The following TTC3 variants were observed in gnomAD, a reference collection of about 807,000 sequenced individuals.
TTC3 encodes E3 ubiquitin-protein ligase TTC3.
TTC3 carries 180 observed loss-of-function variants against 249.6 expected under a neutral mutation model. That is an observed-to-expected ratio of 0.72 (90% CI 0.64 to 0.82). The LOEUF (loss-of-function observed/expected upper bound fraction) is 0.82, where lower values mean the gene tolerates loss of function less well. Ranked by LOEUF, TTC3 falls within the 40% of genes least tolerant of loss-of-function variation. The probability of loss-of-function intolerance (pLI) is 0.00; values close to 1 mark genes in which losing one functional copy is unlikely to be tolerated. For synonymous variants in TTC3, 717 were observed against 805.0 expected (o/e 0.89, Z 1.85); for missense variants, 2,061 against 2,398.4 (o/e 0.86, Z 2.94).
At chr21:37,180,666 C>A (rs981811293) in intron 35 of TTC3, among the ~76,000 whole-genome samples, 1 of 146,768 alleles carries the variant, frequency 6.8e-6, no homozygotes, top group Non-Finnish European at 1.5e-5. Context: ...TGCTAGATGA[C>A]GAGTTAGTGG....
At chr21:37,105,597 C>T (rs2147782550) in intron 10 of TTC3, among the ~76,000 whole-genome samples, 1 of 152,308 alleles carries the variant, frequency 6.6e-6, no homozygotes, top group East Asian at 1.9e-4. Flanking sequence ...CAACTGTAAC[C>T]AGCATGCAGA....
At chr21:37,157,976 GT>G (rs941271253) in intron 28 of TTC3, among the ~76,000 whole-genome samples, 3 of 152,164 alleles carry the variant, frequency 2.0e-5, no homozygotes, top group Non-Finnish European at 4.4e-5. Context: ...ATGTCATGCT[GT>G]TTGTTTTAAA....
intron 45 of TTC3, among the ~76,000 whole-genome samples, chr21:37,201,025 G>C (rs961634304): frequency 2.0e-5 from 3 of 152,258 alleles, no homozygotes; most frequent in East Asian, 1.9e-4. Context: ...AGCAGCAGGA[G>C]TGTGGCGTGC....
rs995934824 is a variant in TTC3 at position 37,159,641 on chromosome 21, A to C, written c.2993-58A>C. On this transcript the variant is annotated intron_variant, in intron 28 of 45. Transcript: ENST00000355666. ...AGGAGTTATTTTAAGGCTTTAGTGT[A>C]CTATATGGAAATGTAAATATTTAGT... The C allele has an allele frequency of 1.0e-5, 16 of 1,541,830 alleles. No homozygotes were observed. The Admixed American group carries it at 2.2e-4, about 21-fold the overall frequency.
At chr21:37,094,032 T>C (rs142815834) in exon 8 of TTC3, 20 of 1,609,296 alleles carry the variant, frequency 1.2e-5, no homozygotes, top group Non-Finnish European at 1.7e-5. Context: ...AAAATTGTAA[T>C]GGAAGACTGC....
intron 41 of TTC3, chr21:37,194,379 C>T (rs980541203): frequency 6.6e-6 from 1 of 152,100 alleles, no homozygotes; most frequent in Admixed American, 6.5e-5. Flanking sequence ...TCCCTTTGTC[C>T]AGTGTTTTCA....
rs1912971683 is a variant in TTC3 at position 37,156,689 on chromosome 21, T to A, written c.2775T>A (p.Tyr925Ter). Residue 925 changes from tyrosine to a stop codon, truncating the protein, a stop_gained, in exon 28 of 46, where the codon TAT (tyrosine) becomes TAA (stop). Transcript: ENST00000355666. LOFTEE classifies it high-confidence loss of function. The stretch of plus-strand genomic sequence containing the variant: ...CCACAGGAACTTTCTTTTCTCGTTA[T>A]GGAGCATCTCTTAAACTGCTTGATT... The A allele has an allele frequency of 6.2e-7, 1 of 1,613,890 alleles. No homozygotes were observed. The highest frequency in any genetic ancestry group is 8.5e-7 in the Non-Finnish European group (1 of 1,179,912).
At chr21:37,098,034 G>C in intron 10 of TTC3, 1 of 679,264 alleles carries the variant, frequency 1.5e-6, no homozygotes. Context: ...GCAGCTTTTA[G>C]ATGGCTTAAG....
At chr21:37,111,727 C>T (rs2075681048) in intron 11 of TTC3, among the ~76,000 whole-genome samples, 1 of 152,040 alleles carries the variant, frequency 6.6e-6, no homozygotes, top group Non-Finnish European at 1.5e-5. Flanking sequence ...ACTCTCCACC[C>T]CAAATCAACA....
chr21:37,126,044 T>G (rs760041038), intron 14 of TTC3, 36 bp from the exon 15 acceptor site: 14 of 1,553,972 alleles, frequency 9.0e-6, no homozygotes, highest in Middle Eastern at 1.7e-4. Flanking sequence ...CTGGGTTGTT[T>G]TTTTTTTTTT....
intron 34 of TTC3, among the ~76,000 whole-genome samples, chr21:37,172,371 G>T (rs937443174): frequency 2.6e-5 from 4 of 152,138 alleles, no homozygotes; most frequent in Non-Finnish European, 2.9e-5. Flanking sequence ...ATAGATTGGA[G>T]AATTTATGAA....
chr21:37,188,395 G>GT, intron 38 of TTC3, 100 bp from the exon 39 acceptor site: 1 of 784,292 alleles, frequency 1.3e-6, no homozygotes, highest in South Asian at 1.8e-5. Flanking sequence ...TTCATTTAAG[G>GT]AGAAATGGGA....
intron 14 of TTC3, among the ~76,000 whole-genome samples, chr21:37,125,278 A>T (rs1477785995): frequency 6.6e-6 from 1 of 152,016 alleles, no homozygotes; most frequent in Non-Finnish European, 1.5e-5. Flanking sequence ...AATGAACTCT[A>T]CTCTTGGGTT....
rs759525538 is a variant in TTC3 at position 37,135,503 on chromosome 21, CA to C, written c.1573del (p.Ile525Ter). On this transcript the variant is annotated frameshift_variant, in exon 18 of 46. Coordinates refer to ENST00000355666, the Ensembl canonical transcript of TTC3. LOFTEE classifies it high-confidence loss of function. ...AGAGTTGCTGAACGGTTTAGATCCT[CA>C]AAAAATAAAGGTAAATTTGCCATAT... 3 of 1,611,124 alleles carry C rather than the reference CA, an allele frequency of 1.9e-6. No individual in the cohort carries two copies. Among genetic ancestry groups the C allele is most frequent in the Admixed American group, 3.4e-5 (2 of 59,476 alleles).
chr21:37,163,227 C>T (rs1195221700), intron 31 of TTC3, among the ~76,000 whole-genome samples: 1 of 152,202 alleles, frequency 6.6e-6, no homozygotes, highest in African/African-American at 2.4e-5. Context: ...AGGCACAGTG[C>T]AGAGCGACTT....
intron 27 of TTC3, 39 bp downstream of exon 27, chr21:37,153,316 CG>C: frequency 6.5e-7 from 1 of 1,537,990 alleles, no homozygotes; most frequent in East Asian, 2.3e-5. Context: ...AACTTTAATA[CG>C]AAGGGGAAGT....
chr21:37,187,568 T>TAG (rs35331680), intron 38 of TTC3: 46,297 of 153,914 alleles, frequency 0.3, 7,462 homozygotes, highest in South Asian at 0.52. Context: ...GAAGAATATA[T>TAG]AGCAATGTCA....
At chr21:37,125,168 G>A (rs1013519545) in intron 14 of TTC3, among the ~76,000 whole-genome samples, 5 of 152,230 alleles carry the variant, frequency 3.3e-5, no homozygotes, top group East Asian at 3.9e-4. Flanking sequence ...TGAAGCTAAG[G>A]GTCTGTAAAC....
Position 37,179,715 on chromosome 21 carries a change from A to G in TTC3, c.4618-3059A>G, listed in dbSNP as rs546323883. Among the ~76,000 whole-genome samples, 17 of 152,180 alleles carry G rather than the reference A, an allele frequency of 1.1e-4. No homozygotes were observed. The South Asian group carries it at 3.5e-3, about 32-fold the overall frequency. On this transcript the variant is annotated intron_variant, in intron 35 of 45. Transcript: ENST00000355666. ...GAATGGGGGTCTCATTGTATTGCCA[A>G]GGTAGAACTCCTGGGCTCAAGGGAT...
Sources: allele counts gnomAD v4.1 joint callset (sites outside exome capture counted in the v4.1 genomes callset), GRCh38; gene constraint gnomAD v4.1.1; transcripts MANE v1.5; gene names NCBI Gene and HGNC (gene_info 2026-07-23, HGNC 2026-07-21).